The following ATG5 variants were observed in gnomAD, a reference collection of about 807,000 sequenced individuals.
ATG5 encodes autophagy protein 5.
A neutral mutation model predicts 36.5 loss-of-function variants in ATG5; 14 were observed. The ratio of observed to expected loss-of-function variants is 0.38; its 90% CI spans 0.25 to 0.60. The LOEUF (loss-of-function observed/expected upper bound fraction) is 0.60, where lower values mean the gene tolerates loss of function less well. ATG5 is among the 20% of genes least tolerant of loss of function. The pLI, the probability that ATG5 is intolerant of heterozygous loss-of-function variation, is 0.60. For synonymous variants in ATG5, 95 were observed against 101.5 expected, an observed-to-expected ratio of 0.94 and a Z score of 0.38; for missense variants, 195 against 326.7, an observed-to-expected ratio of 0.60 and a Z score of 3.11.
intron 6 of ATG5, among the ~76,000 whole-genome samples, chr6:106,229,819 T>G (rs1777604433): frequency 6.6e-6 from 1 of 152,178 alleles, no homozygotes; most frequent in Non-Finnish European, 1.5e-5. Context: ...CAGAAAAAAG[T>G]AGAAAAGTAA....
intron 7 of ATG5, among the ~76,000 whole-genome samples, chr6:106,189,413 T>G (rs1775888177): frequency 6.6e-6 from 1 of 151,992 alleles, no homozygotes; most frequent in Non-Finnish European, 1.5e-5. Flanking sequence ...GAGACCAGCC[T>G]GGGCAACAGA....
At chr6:106,321,950 T>TA (rs1382030900) in intron 1 of ATG5, among the ~76,000 whole-genome samples, 1 of 152,158 alleles carries the variant, frequency 6.6e-6, no homozygotes, top group Admixed American at 6.5e-5. Context: ...TCTAGCTACT[T>TA]AAGAAATTTT....
chr6:106,237,988 C>T (rs929488865), intron 6 of ATG5, among the ~76,000 whole-genome samples: 3 of 152,184 alleles, frequency 2.0e-5, no homozygotes, highest in African/African-American at 7.2e-5. Context: ...ACTTCATAGA[C>T]TGACCTTAGA....
At chr6:106,324,984 A>G (rs1771234338) in intron 1 of ATG5, among the ~76,000 whole-genome samples, 1 of 152,234 alleles carries the variant, frequency 6.6e-6, no homozygotes, top group Non-Finnish European at 1.5e-5. Flanking sequence ...AGAAAAATCT[A>G]GAACCAATAG....
chr6:106,221,048 A>T (rs1361571698), intron 6 of ATG5, among the ~76,000 whole-genome samples: 1 of 152,210 alleles, frequency 6.6e-6, no homozygotes, highest in African/African-American at 2.4e-5. Context: ...TAAATTAGGA[A>T]ACTAAAGCCC....
intron 5 of ATG5, among the ~76,000 whole-genome samples, chr6:106,255,210 T>C (rs1232802449): frequency 6.6e-6 from 1 of 152,236 alleles, no homozygotes; most frequent in East Asian, 1.9e-4. Flanking sequence ...GTTCCAACTC[T>C]ATCGCTTAAG....
chr6:106,281,375 A>G (rs888061115), intron 4 of ATG5, among the ~76,000 whole-genome samples: 1 of 152,202 alleles, frequency 6.6e-6, no homozygotes, highest in Non-Finnish European at 1.5e-5. Flanking sequence ...GGAATTACTG[A>G]TAATGACATA....
intron 6 of ATG5, among the ~76,000 whole-genome samples, chr6:106,208,830 A>T (rs572740791): frequency 3.3e-4 from 50 of 152,328 alleles, no homozygotes; most frequent in Middle Eastern, 3.4e-3. Flanking sequence ...AACAGTTTTT[A>T]AAAAAAGCAA....
chr6:106,305,582 G>A (rs538023252), intron 3 of ATG5, among the ~76,000 whole-genome samples: 70 of 152,232 alleles, frequency 4.6e-4, no homozygotes, highest in Middle Eastern at 3.4e-3. Flanking sequence ...CTCAACTGGC[G>A]ACTAATTTCC....
intron 6 of ATG5, among the ~76,000 whole-genome samples, chr6:106,206,591 A>G (rs1448676195): frequency 6.6e-6 from 1 of 151,730 alleles, no homozygotes; most frequent in Non-Finnish European, 1.5e-5. Flanking sequence ...CAGAGGTTGC[A>G]GTGAATCAAG....
chr6:106,235,320 G>A (rs192693585), intron 6 of ATG5, among the ~76,000 whole-genome samples: 139 of 152,228 alleles, frequency 9.1e-4, no homozygotes, highest in Non-Finnish European at 4.0e-4. Flanking sequence ...CCCCTGGACC[G>A]GCCTACTAGC....
At chr6:106,190,674 A>C (rs1459818636) in intron 7 of ATG5, among the ~76,000 whole-genome samples, 1 of 152,162 alleles carries the variant, frequency 6.6e-6, no homozygotes, top group Non-Finnish European at 1.5e-5. Context: ...AAAAAAAGTT[A>C]CGTTTTAAGA....
chr6:106,306,030 TA>T (rs564937465), intron 3 of ATG5, among the ~76,000 whole-genome samples: 25 of 152,260 alleles, frequency 1.6e-4, no homozygotes, highest in African/African-American at 5.8e-4. Context: ...CAGCATGACA[TA>T]ACTGTGGAAG....
At chr6:106,304,167 T>G (rs1770333859) in intron 3 of ATG5, 1 of 152,060 alleles carries the variant, frequency 6.6e-6, no homozygotes, top group Non-Finnish European at 1.5e-5. Flanking sequence ...ATACTAAAAA[T>G]GAACATTCAC....
At chr6:106,314,144 T>TA (rs1205320940) in intron 2 of ATG5, among the ~76,000 whole-genome samples, 1 of 152,246 alleles carries the variant, frequency 6.6e-6, no homozygotes, top group African/African-American at 2.4e-5. Context: ...GAAAACAACT[T>TA]ACGCTCTAGT....
At chr6:106,252,616 G>A (rs530974692) in intron 5 of ATG5, among the ~76,000 whole-genome samples, 3 of 152,174 alleles carry the variant, frequency 2.0e-5, no homozygotes, top group South Asian at 2.1e-4. Context: ...TAAGCTTTAC[G>A]AGAGGTAAAA....
chr6:106,269,657 C>A (rs1405539578), intron 5 of ATG5, among the ~76,000 whole-genome samples: 1 of 152,240 alleles, frequency 6.6e-6, no homozygotes, highest in Non-Finnish European at 1.5e-5. Context: ...GGTGCTAAGC[C>A]CCTCATTGCC....
At chr6:106,226,408 T>C (rs867699222) in intron 6 of ATG5, among the ~76,000 whole-genome samples, 3 of 151,806 alleles carry the variant, frequency 2.0e-5, no homozygotes, top group Admixed American at 2.0e-4. Context: ...TACAAAGACA[T>C]GCAAAGAAAC....
At chr6:106,305,278 T>A (rs567522417) in intron 3 of ATG5, among the ~76,000 whole-genome samples, 1 of 152,184 alleles carries the variant, frequency 6.6e-6, no homozygotes, top group Non-Finnish European at 1.5e-5. Flanking sequence ...CTAACTTTAC[T>A]ATATGTACTA....
Sources: allele counts gnomAD v4.1 joint callset (sites outside exome capture counted in the v4.1 genomes callset), GRCh38; gene constraint gnomAD v4.1.1; transcripts MANE v1.5; gene names NCBI Gene and HGNC (gene_info 2026-07-23, HGNC 2026-07-21).